The following OSBPL10 variants were observed in gnomAD, a reference collection of about 807,000 sequenced individuals.
OSBPL10 encodes the protein oxysterol binding protein like 10, also known as oxysterol-binding protein-related protein 10.
In OSBPL10, 49 loss-of-function variants were observed where a neutral mutation model predicts 81.7. That is an observed-to-expected ratio of 0.60 (90% CI 0.48 to 0.76). OSBPL10 has a LOEUF of 0.76. Ranked by LOEUF, OSBPL10 falls within the 30% of genes least tolerant of loss-of-function variation. OSBPL10 has a pLI of 0.00. For synonymous variants in OSBPL10, 419 were observed against 383.6 expected (o/e 1.09, Z -1.08); for missense variants, 923 against 987.8 (o/e 0.93, Z 0.88).
intron 1 of OSBPL10, among the ~76,000 whole-genome samples, chr3:32,068,825 T>C (rs1699802961): frequency 6.6e-6 from 1 of 152,058 alleles, no homozygotes; most frequent in Non-Finnish European, 1.5e-5. Flanking sequence ...ACCCCAAGTG[T>C]CACTGAGTCT....
chr3:31,754,705 T>C (rs1697836711), intron 4 of OSBPL10, among the ~76,000 whole-genome samples: 1 of 152,170 alleles, frequency 6.6e-6, no homozygotes, highest in Non-Finnish European at 1.5e-5. Flanking sequence ...CTGTGGCAAC[T>C]ACTCAACTCT....
At chr3:31,840,729 T>G (rs773029797) in intron 3 of OSBPL10, among the ~76,000 whole-genome samples, 6 of 152,226 alleles carry the variant, frequency 3.9e-5, no homozygotes, top group Admixed American at 2.6e-4. Flanking sequence ...CTCTTGATAT[T>G]TGGCTTCTTC....
intron 8 of OSBPL10, among the ~76,000 whole-genome samples, chr3:31,682,361 G>A (rs1700673927): frequency 6.6e-6 from 1 of 152,168 alleles, no homozygotes; most frequent in African/African-American, 2.4e-5. Context: ...TAGCCCATGA[G>A]GTCCTATGTG....
chr3:31,802,774 C>A (rs1259513040), intron 4 of OSBPL10, among the ~76,000 whole-genome samples: 2 of 152,046 alleles, frequency 1.3e-5, no homozygotes, highest in Non-Finnish European at 2.9e-5. Flanking sequence ...CCATTAAAAA[C>A]AAGAGTACAT....
At chr3:32,037,232 T>G (rs2125556218) in intron 2 of OSBPL10, among the ~76,000 whole-genome samples, 1 of 152,334 alleles carries the variant, frequency 6.6e-6, no homozygotes, top group Non-Finnish European at 1.5e-5. Flanking sequence ...CAGGAGGCAG[T>G]CAGCCTTCTG....
Position 31,769,606 on chromosome 3 carries a change from T to C in OSBPL10, c.730-21486A>G, listed in dbSNP as rs545479576. ...AAAATATATTTTATTAAAAATATATTTTTATATTATAACTCATTATAAAAA... is the reference window on the plus strand; with the variant it reads ...AAAATATATTTTATTAAAAATATATCTTTATATTATAACTCATTATAAAAA... On this transcript the variant is annotated intron_variant, in intron 4 of 11. Coordinates refer to ENST00000396556, the MANE Select transcript of OSBPL10 (RefSeq NM_017784.5). 2.0e-5 allele frequency among the ~76,000 whole-genome samples: 3 copies of C among 147,566 alleles called. No individual in the cohort carries two copies. In the South Asian group the frequency reaches 6.3e-4, roughly 31 times the overall value.
At chr3:31,870,948 A>C (rs527973075) in intron 3 of OSBPL10, among the ~76,000 whole-genome samples, 43 of 152,238 alleles carry the variant, frequency 2.8e-4, no homozygotes, top group African/African-American at 9.9e-4. Flanking sequence ...CTCTGTATCT[A>C]ACTAATCTGA....
intron 2 of OSBPL10, among the ~76,000 whole-genome samples, chr3:32,041,523 C>T (rs939936622): frequency 9.2e-5 from 14 of 152,164 alleles, no homozygotes; most frequent in African/African-American, 2.4e-4. Flanking sequence ...TGGTCACACG[C>T]CTCCTATCAA....
intron 1 of OSBPL10, among the ~76,000 whole-genome samples, chr3:31,943,013 A>G (rs1011121893): frequency 1.3e-5 from 2 of 152,100 alleles, no homozygotes; most frequent in African/African-American, 2.4e-5. Context: ...CCCCATTCCA[A>G]TCTTTCCTCA....
At chr3:32,013,764 T>A (rs2125540960) in intron 2 of OSBPL10, among the ~76,000 whole-genome samples, 1 of 152,220 alleles carries the variant, frequency 6.6e-6, no homozygotes, top group East Asian at 1.9e-4. Context: ...AAAGTGGATA[T>A]CACCACTGAT....
intron 1 of OSBPL10, among the ~76,000 whole-genome samples, chr3:31,949,450 C>T (rs1440126912): frequency 2.0e-5 from 3 of 151,772 alleles, no homozygotes; most frequent in Admixed American, 1.3e-4. Flanking sequence ...GGGCAGATCA[C>T]GAGGTCAGGA....
chr3:31,977,991 T>C (rs1268322826), intron 1 of OSBPL10, among the ~76,000 whole-genome samples: 2 of 152,214 alleles, frequency 1.3e-5, no homozygotes, highest in African/African-American at 4.8e-5. Flanking sequence ...TATTTTGTGT[T>C]CTGGCCCAAA....
At chr3:31,666,520 G>A (rs1256297372) in intron 10 of OSBPL10, among the ~76,000 whole-genome samples, 2 of 152,162 alleles carry the variant, frequency 1.3e-5, no homozygotes, top group Non-Finnish European at 2.9e-5. Flanking sequence ...AGTGAACACA[G>A]GTGCTCTGAG....
intron 1 of OSBPL10, among the ~76,000 whole-genome samples, chr3:31,979,361 A>G (rs1006737268): frequency 3.3e-5 from 5 of 152,224 alleles, no homozygotes; most frequent in East Asian, 1.9e-4. Flanking sequence ...TATATGTAGA[A>G]TATCAATATA....
chr3:31,992,845 A>G (rs35851870), intron 2 of OSBPL10, among the ~76,000 whole-genome samples: 4,201 of 152,284 alleles, frequency 0.028, 101 homozygotes, highest in African/African-American at 0.07. Context: ...AGTTTTTTAA[A>G]TAAAATATTA....
At chr3:31,812,461 T>A (rs150375205) in intron 4 of OSBPL10, among the ~76,000 whole-genome samples, 20 of 152,308 alleles carry the variant, frequency 1.3e-4, no homozygotes, top group African/African-American at 3.8e-4. Context: ...AAACAAAGAA[T>A]TTAAGACAAC....
In OSBPL10 at chr3:31,857,816, AAGGGAGAG is replaced by A. The variant is rs371858860; in HGVS notation, c.537+18609_537+18616del. The stretch of plus-strand genomic sequence containing the variant: ...AGAGACAGAAAGGGAGAGAGAGAGA[AAGGGAGAG>A]GGAGAGGGAGAGGGAAAGAGGGAGG... On this transcript the variant is annotated intron_variant, in intron 3 of 11. Transcript: ENST00000396556. Among the ~76,000 whole-genome samples, 77 of 7,790 alleles carry A rather than the reference AAGGGAGAG, an allele frequency of 9.9e-3. 5 individuals carry two copies. The highest frequency in any genetic ancestry group is 0.026 in the African/African-American group (68 of 2,604). 5.1% of individuals were successfully genotyped at this position (7,790 alleles called of 152,430 possible).
At chr3:31,795,295 C>T (rs1329685549) in intron 4 of OSBPL10, among the ~76,000 whole-genome samples, 1 of 151,966 alleles carries the variant, frequency 6.6e-6, no homozygotes, top group Non-Finnish European at 1.5e-5. Flanking sequence ...CAGGCGCCTG[C>T]CACCAGGCCT....
intron 5 of OSBPL10, among the ~76,000 whole-genome samples, chr3:31,741,414 G>A (rs1466213629): frequency 1.3e-5 from 2 of 152,186 alleles, no homozygotes; most frequent in Non-Finnish European, 2.9e-5. Flanking sequence ...ACAGGCGCAT[G>A]CCACCACACC....
Sources: allele counts gnomAD v4.1 joint callset (sites outside exome capture counted in the v4.1 genomes callset), GRCh38; gene constraint gnomAD v4.1.1; transcripts MANE v1.5; gene names NCBI Gene and HGNC (gene_info 2026-07-23, HGNC 2026-07-21).